The following MAPK6 variants were observed in gnomAD, a reference collection of about 807,000 sequenced individuals.
The protein encoded by MAPK6 is mitogen-activated protein kinase 6, also known as ERK-3.
A neutral mutation model predicts 59.3 loss-of-function variants in MAPK6; 19 were observed. The observed-to-expected ratio is 0.32, with a 90% CI of 0.22 to 0.47. The LOEUF (loss-of-function observed/expected upper bound fraction) is 0.47, where lower values mean the gene tolerates loss of function less well. Ranked by LOEUF, MAPK6 falls within the 20% of genes least tolerant of loss-of-function variation. The pLI is 1.00. For missense variants in MAPK6, 724 were observed against 847.9 expected, an observed-to-expected ratio of 0.85 and a Z score of 1.81; for synonymous variants, 316 against 290.3, an observed-to-expected ratio of 1.09 and a Z score of -0.90.
chr15:52,046,735 C>T lies in MAPK6; in HGVS notation c.275C>T (p.Thr92Ile), dbSNP rs773115522. Residue 92 changes from threonine to isoleucine, a missense_variant, in exon 2 of 6, where the codon ACA becomes ATA. Thr to Ile is a moderately conservative substitution (Grantham distance 89). Around this residue, in one of 4 missense-constraint regions of MAPK6, gnomAD observed 87 missense variants for 93.0 expected, o/e 0.93. Transcript: ENST00000261845. ...EILGPSGSQL[T>I]DDVGSLTELN... The stretch of plus-strand genomic sequence containing the variant: ...CTTGGTCCCAGTGGAAGCCAATTAA[C>T]AGACGATGTGGGCTCTCTTACGGAA... The T allele has an allele frequency of 1.2e-6, 2 of 1,614,232 alleles. No individual in the cohort carries two copies. Among genetic ancestry groups the T allele is most frequent in the African/African-American group, 1.3e-5 (1 of 75,058 alleles).
intron 1 of MAPK6, among the ~76,000 whole-genome samples, chr15:52,023,690 C>A (rs1019267251): frequency 6.6e-6 from 1 of 152,274 alleles, no homozygotes; most frequent in African/African-American, 2.4e-5. Flanking sequence ...CGGCTCACTG[C>A]AACCTCCACC....
intron 1 of MAPK6, among the ~76,000 whole-genome samples, chr15:52,020,596 T>G (rs1390659137): frequency 6.6e-6 from 1 of 152,210 alleles, no homozygotes; most frequent in Non-Finnish European, 1.5e-5. Context: ...ATTGCACATG[T>G]CCTCCCTCTT....
chr15:52,039,947 T>C (rs1595991578), intron 1 of MAPK6, among the ~76,000 whole-genome samples: 1 of 152,330 alleles, frequency 6.6e-6, no homozygotes, highest in South Asian at 2.1e-4. Flanking sequence ...TAAGGTCCCA[T>C]GTCTTTTCCC....
intron 2 of MAPK6, among the ~76,000 whole-genome samples, chr15:52,049,328 A>C (rs865939572): frequency 6.7e-6 from 1 of 149,710 alleles, no homozygotes; most frequent in South Asian, 2.1e-4. Flanking sequence ...AAATGCTTTG[A>C]ATGTGTGGCC....
intron 1 of MAPK6, among the ~76,000 whole-genome samples, chr15:51,975,905 T>C (rs1469293632): frequency 6.6e-6 from 1 of 151,954 alleles, no homozygotes; most frequent in Non-Finnish European, 1.5e-5. Context: ...ACTGAATTAC[T>C]GAATTAGGGT....
At chr15:52,042,503 A>G (rs1189571261) in intron 1 of MAPK6, among the ~76,000 whole-genome samples, 2 of 151,580 alleles carry the variant, frequency 1.3e-5, no homozygotes, top group Non-Finnish European at 2.9e-5. Flanking sequence ...GCATCCTTGA[A>G]GTTTCTAGTT....
At chr15:51,997,145 A>G (rs957427169) in intron 2 of MAPK6, among the ~76,000 whole-genome samples, 2 of 151,170 alleles carry the variant, frequency 1.3e-5, no homozygotes, top group Non-Finnish European at 2.9e-5. Flanking sequence ...ACACCCAGCT[A>G]GTTTTCTTGT....
chr15:51,991,122 C>G (rs1010698613), intron 2 of MAPK6, among the ~76,000 whole-genome samples: 3 of 149,614 alleles, frequency 2.0e-5, no homozygotes, highest in South Asian at 4.2e-4. Context: ...GAGCGAAATT[C>G]CATCTCAAAA....
At chr15:52,053,581 T>C (rs1215464456) in intron 3 of MAPK6, among the ~76,000 whole-genome samples, 3 of 151,978 alleles carry the variant, frequency 2.0e-5, no homozygotes, top group Admixed American at 2.0e-4. Context: ...ATAGTGTCTT[T>C]TGAAACAAGA....
rs184760185 is a variant in MAPK6, at chr15:51,986,936, T to C, written c.-770+3621T>C. ...AAAGGATTAGGGACATCTATGTGCA[T>C]GTTGCCAAAAGATAATCATCTTAAA... is the stretch of plus-strand genomic sequence containing the variant. On this transcript the variant is annotated intron_variant, in intron 2 of 7. Transcript: ENST00000691380. 2.6e-4 allele frequency among the ~76,000 whole-genome samples: 40 copies of C among 152,336 alleles called. 5 individuals carry two copies. Among genetic ancestry groups the C allele is most frequent in the Admixed American group, 1.4e-3 (22 of 15,288 alleles).
upstream of MAPK6, among the ~76,000 whole-genome samples, chr15:52,015,751 A>T (rs953316968): frequency 6.8e-6 from 1 of 146,846 alleles, no homozygotes; most frequent in African/African-American, 2.5e-5. Context: ...CGCCCAGCCC[A>T]GAATGGCATT....
chr15:52,027,448 C>G (rs1455699769), intron 1 of MAPK6, among the ~76,000 whole-genome samples: 1 of 146,680 alleles, frequency 6.8e-6, no homozygotes, highest in Admixed American at 6.9e-5. Context: ...TTATAGCCCT[C>G]TGTAATTGAG....
In MAPK6 at chr15:52,061,518, T is replaced by C. The variant is rs749847981; in HGVS notation, c.1067+18T>C. 6.3e-7 allele frequency: 1 copy of C among 1,575,186 alleles called. No individual in the cohort carries two copies. The highest frequency in any genetic ancestry group is 1.1e-5 in the South Asian group (1 of 89,824). ...TGGGAAAGGTAAATTGATCCTAAAT[T>C]AGAAAAATAATATTTACTGAACTTT... On this transcript the variant is annotated intron_variant, in intron 5 of 5. Transcript: ENST00000261845.
upstream of MAPK6, among the ~76,000 whole-genome samples, chr15:52,015,929 G>GT (rs1566899672): frequency 1.1e-3 from 4 of 3,504 alleles, no homozygotes; most frequent in Non-Finnish European, 0.015. Context: ...GTGGTGGCGC[G>GT]CCCTGTAATC....
chr15:51,985,978 C>T (rs775228679), intron 2 of MAPK6, among the ~76,000 whole-genome samples: 31 of 150,828 alleles, frequency 2.1e-4, no homozygotes, highest in South Asian at 4.2e-4. Flanking sequence ...CAAAAAACAA[C>T]GACAAAAAAA....
chr15:52,047,088 C>T (rs2031614738), intron 2 of MAPK6, 73 bp downstream of exon 2: 1 of 1,127,526 alleles, frequency 8.9e-7, no homozygotes, highest in East Asian at 2.6e-5. Context: ...CTTATATTTT[C>T]TTTGTATATT....
At chr15:52,015,009 T>G (rs2030192304), upstream of MAPK6, among the ~76,000 whole-genome samples, 1 of 152,224 alleles carries the variant, frequency 6.6e-6, no homozygotes, top group Non-Finnish European at 1.5e-5. Context: ...AAACTTTTTT[T>G]GTTTTGTTGA....
chr15:51,983,354 C>A (rs2057180610), intron 2 of MAPK6, among the ~76,000 whole-genome samples: 1 of 151,958 alleles, frequency 6.6e-6, no homozygotes, highest in African/African-American at 2.4e-5. Context: ...GAAGTGGTGG[C>A]CTGTAATCCC....
intron 1 of MAPK6, among the ~76,000 whole-genome samples, chr15:52,028,471 G>C (rs2030898856): frequency 6.6e-6 from 1 of 152,150 alleles, no homozygotes; most frequent in South Asian, 2.1e-4. Flanking sequence ...TTAATATGCA[G>C]ATGTGCTTTA....
Sources: allele counts gnomAD v4.1 joint callset (sites outside exome capture counted in the v4.1 genomes callset), GRCh38; gene constraint gnomAD v4.1.1; regional missense constraint gnomAD v4.1.1; transcripts MANE v1.5; gene names NCBI Gene and HGNC (gene_info 2026-07-23, HGNC 2026-07-21).